The following CSMD1 variants were observed in gnomAD, a reference collection of about 807,000 sequenced individuals.
The protein encoded by CSMD1 is CUB and Sushi multiple domains 1.
Under a neutral mutation model 417.5 loss-of-function variants are expected in CSMD1, and 213 were observed. The ratio of observed to expected loss-of-function variants is 0.51; its 90% CI spans 0.46 to 0.57. CSMD1 has a LOEUF of 0.57. CSMD1 is among the 20% of genes least tolerant of loss of function. The pLI, the probability that CSMD1 is intolerant of heterozygous loss-of-function variation, is 0.00. For synonymous variants in CSMD1, 2,862 were observed against 1,736.8 expected (o/e 1.65, Z -16.11); for missense variants, 6,923 against 4,529.7 (o/e 1.53, Z -15.17).
chr8:3,912,008 C>T (rs1408760274), intron 5 of CSMD1, among the ~76,000 whole-genome samples: 5 of 152,174 alleles, frequency 3.3e-5, no homozygotes, highest in Admixed American at 6.5e-5. Context: ...CAAAGGATCA[C>T]CAATTGTCAT....
intron 1 of CSMD1, among the ~76,000 whole-genome samples, chr8:4,908,702 G>C (rs1376166641): frequency 7.0e-6 from 1 of 143,280 alleles, no homozygotes; most frequent in Non-Finnish European, 1.5e-5. Flanking sequence ...GTCCATCAGA[G>C]GTATTCTTCA....
chr8:3,461,719 G>A (rs1355403662), intron 12 of CSMD1, among the ~76,000 whole-genome samples: 1 of 152,184 alleles, frequency 6.6e-6, no homozygotes, highest in African/African-American at 2.4e-5. Context: ...CCCTAATCAG[G>A]AGAAAAAGCT....
chr8:4,656,550 C>T lies in CSMD1; in HGVS notation c.86-18992G>A, dbSNP rs534022948. On this transcript the variant is annotated intron_variant, in intron 1 of 69. Coordinates refer to ENST00000635120, the MANE Select transcript of CSMD1 (RefSeq NM_033225.6). ...CTTTGGGTTTGTTCAAATCTGATGC[C>T]ATATTCAACTTGCAAATACGATTGT... is the stretch of plus-strand genomic sequence containing the variant. 5.0e-4 allele frequency among the ~76,000 whole-genome samples: 76 copies of T among 152,008 alleles called. 1 individual carries two copies. The highest frequency in any genetic ancestry group is 1.8e-3 in the African/African-American group (73 of 41,318).
At chr8:4,953,570 G>A (rs545204582) in intron 1 of CSMD1, among the ~76,000 whole-genome samples, 5 of 152,158 alleles carry the variant, frequency 3.3e-5, no homozygotes, top group South Asian at 2.1e-4. Flanking sequence ...TCTCACTGTT[G>A]AGAAACGATT....
intron 41 of CSMD1, among the ~76,000 whole-genome samples, chr8:3,136,167 T>G (rs2129028827): frequency 6.6e-6 from 1 of 152,146 alleles, no homozygotes; most frequent in South Asian, 2.1e-4. Flanking sequence ...TCCTAGAATA[T>G]GATCAAGGCT....
intron 3 of CSMD1, among the ~76,000 whole-genome samples, chr8:4,295,621 A>G (rs567849592): frequency 2.1e-4 from 31 of 145,418 alleles, no homozygotes; most frequent in African/African-American, 7.2e-4. Context: ...AAGATTATAT[A>G]TATATAAACA....
At chr8:3,074,065 G>A (rs531101218) in intron 49 of CSMD1, among the ~76,000 whole-genome samples, 1 of 152,320 alleles carries the variant, frequency 6.6e-6, no homozygotes, top group East Asian at 1.9e-4. Context: ...TGGAGGCGCG[G>A]GAAGAATCCA....
At chr8:4,193,148 A>G (rs541254181) in intron 3 of CSMD1, among the ~76,000 whole-genome samples, 3 of 152,324 alleles carry the variant, frequency 2.0e-5, no homozygotes, top group East Asian at 1.9e-4. Flanking sequence ...TCTGTAAAAG[A>G]TAAGTTGCCC....
At chr8:4,019,042 T>A (rs1368951096) in intron 4 of CSMD1, among the ~76,000 whole-genome samples, 1 of 152,262 alleles carries the variant, frequency 6.6e-6, no homozygotes, top group African/African-American at 2.4e-5. Context: ...GAAATCTTTA[T>A]CGCTTTGAGA....
At chr8:3,409,665 C>G (rs560042232) in intron 12 of CSMD1, 60 bp from the exon 13 acceptor site, 9 of 1,342,228 alleles carry the variant, frequency 6.7e-6, no homozygotes, top group Non-Finnish European at 9.0e-6. Context: ...ATTTTTATCT[C>G]TACAACTTAG....
chr8:4,990,078 G>C (rs1226409106), intron 1 of CSMD1, among the ~76,000 whole-genome samples: 2 of 152,204 alleles, frequency 1.3e-5, no homozygotes, highest in East Asian at 3.9e-4. Context: ...TGAGATGCTT[G>C]AGACATGGGG....
intron 26 of CSMD1, among the ~76,000 whole-genome samples, chr8:3,241,109 GA>G (rs1799476682): frequency 6.6e-6 from 1 of 151,312 alleles, no homozygotes. Flanking sequence ...TTTGGATTGG[GA>G]AGAAGGGCGG....
rs182735108 is a variant in CSMD1, at chr8:4,491,019, G to A, written c.303-70954C>T. On this transcript the variant is annotated intron_variant, in intron 2 of 69. Transcript: ENST00000635120. ...CACAGTGTATTGAGGCTAGGGACAT[G>A]TAGGCAGCTCCTATGGTACCTGGCT... Among the ~76,000 whole-genome samples the A allele has an allele frequency of 1.1e-3, 166 of 152,282 alleles. 2 individuals are homozygous for A. The highest frequency in any genetic ancestry group is 3.8e-3 in the African/African-American group (159 of 41,560).
At chr8:4,336,395 T>C (rs1022950681) in intron 3 of CSMD1, among the ~76,000 whole-genome samples, 2 of 152,134 alleles carry the variant, frequency 1.3e-5, no homozygotes, top group African/African-American at 4.8e-5. Context: ...GCGTGACCCA[T>C]GGCCACTCCT....
At chr8:4,602,887 T>A (rs1800669571) in intron 2 of CSMD1, among the ~76,000 whole-genome samples, 1 of 151,894 alleles carries the variant, frequency 6.6e-6, no homozygotes, top group South Asian at 2.1e-4. Context: ...ATAATAACGC[T>A]ATCATATAAT....
At chr8:4,116,271 A>T (rs7846381) in intron 3 of CSMD1, among the ~76,000 whole-genome samples, 1 of 152,116 alleles carries the variant, frequency 6.6e-6, no homozygotes, top group Non-Finnish European at 1.5e-5. Flanking sequence ...TGGGATTACA[A>T]GTGTGAGCCA....
chr8:4,512,852 C>T (rs1310354313), intron 2 of CSMD1, among the ~76,000 whole-genome samples: 1 of 151,064 alleles, frequency 6.6e-6, no homozygotes, highest in Non-Finnish European at 1.5e-5. Context: ...GTCAAGTTGT[C>T]AGCTCTTTCG....
At chr8:3,854,743 G>C (rs1184912739) in intron 5 of CSMD1, among the ~76,000 whole-genome samples, 1 of 127,506 alleles carries the variant, frequency 7.8e-6, no homozygotes, top group South Asian at 2.5e-4. Context: ...ACTCCAGAGG[G>C]GGTAAAAAAG....
intron 2 of CSMD1, among the ~76,000 whole-genome samples, chr8:4,586,191 T>C (rs1799691167): frequency 6.6e-6 from 1 of 152,204 alleles, no homozygotes; most frequent in Non-Finnish European, 1.5e-5. Context: ...TTGGTTATTT[T>C]TAAATACATA....
Sources: gnomAD v4.1 joint callset for allele counts (sites outside exome capture counted in the v4.1 genomes callset) on GRCh38, gnomAD v4.1.1 for gene constraint, MANE v1.5 for transcripts, NCBI Gene and HGNC (gene_info 2026-07-23, HGNC 2026-07-21) for gene names.